Variants in KIAA0319 observed in about 807,000 individuals in gnomAD.
The protein encoded by KIAA0319 is dyslexia-associated protein KIAA0319.
Under a neutral mutation model 108.4 loss-of-function variants are expected in KIAA0319, and 83 were observed. The observed-to-expected ratio is 0.77, with a 90% CI of 0.64 to 0.92. The LOEUF (loss-of-function observed/expected upper bound fraction) is 0.92. KIAA0319 is among the 40% of genes least tolerant of loss of function. KIAA0319 has a pLI of 0.00. For synonymous variants in KIAA0319, 484 were observed against 510.4 expected, an observed-to-expected ratio of 0.95 and a Z score of 0.70; for missense variants, 1,195 against 1,322.4, an observed-to-expected ratio of 0.90 and a Z score of 1.49.
chr6:24,620,323 C>A (rs942466430), intron 1 of KIAA0319, among the ~76,000 whole-genome samples: 2 of 152,086 alleles, frequency 1.3e-5, no homozygotes, highest in Non-Finnish European at 2.9e-5. Flanking sequence ...TTTTTTGAGA[C>A]GGAGTCTCAC....
chr6:24,631,596 T>C (rs1775590700), intron 1 of KIAA0319, among the ~76,000 whole-genome samples: 1 of 152,204 alleles, frequency 6.6e-6, no homozygotes, highest in Admixed American at 6.5e-5. Context: ...GTCCCTACAT[T>C]AGGAAAAACA....
At chr6:24,591,381 G>A (rs1241642233) in intron 3 of KIAA0319, among the ~76,000 whole-genome samples, 1 of 152,148 alleles carries the variant, frequency 6.6e-6, no homozygotes, top group Non-Finnish European at 1.5e-5. Flanking sequence ...GCCAAAGCAG[G>A]AGGATTCTTT....
At chr6:24,628,410 T>C (rs906593447) in intron 1 of KIAA0319, among the ~76,000 whole-genome samples, 1 of 152,228 alleles carries the variant, frequency 6.6e-6, no homozygotes, top group Admixed American at 6.5e-5. Context: ...TGAGACACAC[T>C]TGTAAGTTTT....
chr6:24,630,347 A>T (rs1225452338), intron 1 of KIAA0319, among the ~76,000 whole-genome samples: 2 of 151,394 alleles, frequency 1.3e-5, no homozygotes, highest in Non-Finnish European at 2.9e-5. Flanking sequence ...TTTCTCTATT[A>T]AAAATAAAAA....
chr6:24,583,544 G>T, intron 5 of KIAA0319, 60 bp downstream of exon 5: 2 of 1,107,222 alleles, frequency 1.8e-6, no homozygotes, highest in South Asian at 1.3e-5. Context: ...AGCCTGTAAG[G>T]ACCTGCTGAA....
chr6:24,636,167 T>C (rs545037459), intron 1 of KIAA0319, among the ~76,000 whole-genome samples: 2 of 152,280 alleles, frequency 1.3e-5, no homozygotes, highest in African/African-American at 4.8e-5. Flanking sequence ...ACAAAACACT[T>C]TGAATACATA....
intron 1 of KIAA0319, among the ~76,000 whole-genome samples, chr6:24,630,913 C>G (rs1215322063): frequency 6.6e-6 from 1 of 152,134 alleles, no homozygotes; most frequent in African/African-American, 2.4e-5. Flanking sequence ...CTTCTGCAGG[C>G]TCAGAAAAGG....
intron 1 of KIAA0319, among the ~76,000 whole-genome samples, chr6:24,620,462 G>A (rs982536873): frequency 3.9e-5 from 6 of 152,084 alleles, no homozygotes; most frequent in Non-Finnish European, 7.4e-5. Flanking sequence ...CACCACGTCC[G>A]GCTAATTTTT....
At chr6:24,562,398 C>G (rs147059468) in intron 16 of KIAA0319, among the ~76,000 whole-genome samples, 22 of 152,292 alleles carry the variant, frequency 1.4e-4, no homozygotes, top group Non-Finnish European at 2.8e-4. Context: ...TGGTGTTTTT[C>G]TAAGTGAACT....
chr6:24,624,486 C>A (rs575655351), intron 1 of KIAA0319, among the ~76,000 whole-genome samples: 6 of 151,408 alleles, frequency 4.0e-5, no homozygotes, highest in Non-Finnish European at 7.4e-5. Context: ...AAAAATGAAT[C>A]CAAGAAAGAA....
intron 11 of KIAA0319, 50 bp from the exon 12 acceptor site, chr6:24,570,085 C>T (rs1054071899): frequency 1.3e-6 from 2 of 1,565,310 alleles, no homozygotes; most frequent in African/African-American, 2.7e-5. Flanking sequence ...TGCATTAAGT[C>T]TGCAATCCTG....
intron 8 of KIAA0319, among the ~76,000 whole-genome samples, chr6:24,579,656 T>C (rs1424612951): frequency 2.0e-5 from 3 of 151,168 alleles, no homozygotes; most frequent in Non-Finnish European, 4.4e-5. Context: ...AACTTTCTAA[T>C]AGAATAGACG....
Position 24,554,709 on chromosome 6 carries a change from C to G in KIAA0319, c.2858-78G>C, listed in dbSNP as rs1762052186. 3 of 1,049,748 alleles carry G rather than the reference C, an allele frequency of 2.9e-6. 1 individual carries two copies. Among genetic ancestry groups the G allele is most frequent in the South Asian group, 2.7e-5 (2 of 74,552 alleles). 65.0% of individuals were successfully genotyped at this position (1,049,748 alleles called of 1,614,324 possible). A position where few individuals can be genotyped will look rare whatever the true frequency, so the allele number is the denominator to read the frequency against. ...ACTTTATTTTGATGATTCATAACAA[C>G]TATTTCTGAATCCCTACAAGGAAAG... On this transcript the variant is annotated intron_variant, in intron 18 of 20. Coordinates refer to ENST00000378214, the MANE Select transcript of KIAA0319 (RefSeq NM_014809.4).
chr6:24,632,671 G>T (rs895096390), intron 1 of KIAA0319, among the ~76,000 whole-genome samples: 39 of 152,138 alleles, frequency 2.6e-4, no homozygotes, highest in Admixed American at 1.5e-3. Flanking sequence ...CATCAACAAA[G>T]AAAGAGATAG....
chr6:24,582,096 T>TA (rs1290941265), intron 6 of KIAA0319, among the ~76,000 whole-genome samples, 153 bp downstream of exon 6: 1 of 152,114 alleles, frequency 6.6e-6, no homozygotes, highest in African/African-American at 2.4e-5. Context: ...CAGTGAGCTG[T>TA]AATTGCGCTA....
chr6:24,556,568 A>C lies in KIAA0319; in HGVS notation c.2857+39T>G, dbSNP rs369164359. 37 of 1,603,938 alleles carry C rather than the reference A, an allele frequency of 2.3e-5. No individual in the cohort carries two copies. In the African/African-American group the frequency reaches 3.5e-4, roughly 15 times the overall value. ...TGATACCTGAGAATGAGCTGCCTTA[A>C]GGCTCCTCACCCAAAGCCTCCTCTA... On this transcript the variant is annotated intron_variant, in intron 18 of 20. Transcript: ENST00000378214.
chr6:24,566,926 C>A (rs932226190), intron 13 of KIAA0319, among the ~76,000 whole-genome samples, 178 bp from the exon 14 acceptor site: 11 of 152,120 alleles, frequency 7.2e-5, no homozygotes, highest in African/African-American at 2.7e-4. Context: ...TTCCTTAAAG[C>A]TCCATTTGTA....
At chr6:24,612,252 G>A (rs1772440955) in intron 1 of KIAA0319, among the ~76,000 whole-genome samples, 2 of 152,032 alleles carry the variant, frequency 1.3e-5, no homozygotes, top group Admixed American at 1.3e-4. Context: ...AGGAGTTCGA[G>A]GCAGGCCTGG....
rs1421078652 is a variant in KIAA0319 at position 24,559,112 on chromosome 6, C to T, written c.2635G>A (p.Val879Ile). ...FYVQSRPPFK[V>I]LKAAEVARNL... The stretch of plus-strand genomic sequence containing the variant: ...CGGGCCACTTCAGCAGCTTTGAGAA[C>T]CTTGAAAGGCGGCCTGCTCTGTACA... Residue 879 changes from valine (V) to isoleucine (I), a missense_variant, in exon 17 of 21, where the codon GTT becomes ATT. Physicochemically the swap from Val to Ile is conservative, Grantham distance 29 (BLOSUM62 3). Coordinates refer to ENST00000378214, the MANE Select transcript of KIAA0319 (RefSeq NM_014809.4). 4 of 1,613,744 alleles carry T rather than the reference C, an allele frequency of 2.5e-6. 1 individual carries two copies. The African/African-American group carries it at 5.3e-5, about 22-fold the overall frequency.
Sources: allele counts gnomAD v4.1 joint callset (sites outside exome capture counted in the v4.1 genomes callset), GRCh38; gene constraint gnomAD v4.1.1; transcripts MANE v1.5; gene names NCBI Gene and HGNC (gene_info 2026-07-23, HGNC 2026-07-21).